PDE4B: variants seen among roughly 807,000 people sequenced by gnomAD.
PDE4B encodes 3',5'-cyclic-AMP phosphodiesterase 4B.
In PDE4B, 20 loss-of-function variants were observed where a neutral mutation model predicts 82.2. The observed-to-expected ratio is 0.24, with a 90% CI of 0.17 to 0.35. The LOEUF is 0.35. PDE4B is among the 10% of genes least tolerant of loss of function. The pLI is 1.00. For missense variants in PDE4B, 655 were observed against 907.2 expected, an observed-to-expected ratio of 0.72 and a Z score of 3.57; for synonymous variants, 320 against 318.9, an observed-to-expected ratio of 1.00 and a Z score of -0.04.
chr1:65,903,928 A>G (rs1646999871), intron 1 of PDE4B, among the ~76,000 whole-genome samples: 1 of 152,200 alleles, frequency 6.6e-6, no homozygotes, highest in Admixed American at 6.5e-5. Context: ...ATATTAGGCC[A>G]TTAATTCATT....
chr1:66,221,000 G>T (rs1318563894), intron 3 of PDE4B, among the ~76,000 whole-genome samples: 1 of 152,080 alleles, frequency 6.6e-6, no homozygotes, highest in Non-Finnish European at 1.5e-5. Context: ...TTTCAGTTAG[G>T]ATTTTTTATT....
chr1:65,881,842 G>A (rs1469614236), intron 1 of PDE4B, among the ~76,000 whole-genome samples: 1 of 152,146 alleles, frequency 6.6e-6, no homozygotes, highest in Non-Finnish European at 1.5e-5. Context: ...AAGTTGGTAT[G>A]GCACAGATAC....
chr1:66,334,674 G>C (rs1421067063), intron 8 of PDE4B, among the ~76,000 whole-genome samples: 4 of 152,224 alleles, frequency 2.6e-5, no homozygotes, highest in Non-Finnish European at 1.5e-5. Context: ...TTTAGTGCAT[G>C]AATGATGCCC....
chr1:66,299,885 C>T (rs757892793), intron 7 of PDE4B, among the ~76,000 whole-genome samples: 13 of 151,998 alleles, frequency 8.6e-5, no homozygotes, highest in Non-Finnish European at 1.5e-4. Context: ...TTATCAAATG[C>T]TTTTTTCTGC....
At chr1:65,946,187 C>T (rs11208777) in intron 3 of PDE4B, among the ~76,000 whole-genome samples, 16,788 of 151,906 alleles carry the variant, frequency 0.11, 1,090 homozygotes, top group Middle Eastern at 0.2. Context: ...AGAAAGCATG[C>T]GGGTTTGTGA....
At chr1:66,017,354 G>C (rs1464944548) in intron 3 of PDE4B, among the ~76,000 whole-genome samples, 1 of 152,088 alleles carries the variant, frequency 6.6e-6, no homozygotes, top group African/African-American at 2.4e-5. Flanking sequence ...CCTATAATTT[G>C]TTCAATATTG....
At chr1:66,272,213 C>T (rs1226908306) in intron 7 of PDE4B, among the ~76,000 whole-genome samples, 1 of 152,216 alleles carries the variant, frequency 6.6e-6, no homozygotes, top group Admixed American at 6.5e-5. Flanking sequence ...TCTGGGCATT[C>T]TTGACAGCTC....
intron 3 of PDE4B, among the ~76,000 whole-genome samples, chr1:66,042,321 T>C (rs1447458021): frequency 4.0e-5 from 6 of 151,862 alleles, no homozygotes; most frequent in Non-Finnish European, 7.4e-5. Context: ...ATTTATAATA[T>C]ATTTCAACAT....
chr1:65,812,967 A>G (rs1158746139), intron 1 of PDE4B, among the ~76,000 whole-genome samples: 1 of 152,188 alleles, frequency 6.6e-6, no homozygotes, highest in Non-Finnish European at 1.5e-5. Flanking sequence ...GAAGATAAGG[A>G]CACTAAAGTT....
intron 3 of PDE4B, among the ~76,000 whole-genome samples, chr1:66,053,132 T>C (rs1002096259): frequency 6.6e-6 from 1 of 152,226 alleles, no homozygotes; most frequent in Non-Finnish European, 1.5e-5. Flanking sequence ...ATTTAAGTAG[T>C]TGAGATCCAT....
intron 3 of PDE4B, among the ~76,000 whole-genome samples, chr1:66,134,780 TTATTA>T (rs1646021841): frequency 6.6e-6 from 1 of 152,246 alleles, no homozygotes; most frequent in Non-Finnish European, 1.5e-5. Flanking sequence ...CCAAAACTGT[TTATTA>T]CATGTGTGCC....
rs149874828 is a variant in PDE4B, at chr1:65,812,942, C to G, written c.-71+19694C>G. On this transcript the variant is annotated intron_variant, in intron 1 of 16. Transcript: ENST00000341517. Reference sequence around the variant, plus strand: ...CCCTGGAAAAGTTGCCCCAGGAATACAAAACCTTAAGAATGAAGATAAGGA... The same window carrying G: ...CCCTGGAAAAGTTGCCCCAGGAATAGAAAACCTTAAGAATGAAGATAAGGA... Among the ~76,000 whole-genome samples the G allele has an allele frequency of 7.3e-3, 1,116 of 152,204 alleles. 12 individuals are homozygous for G. The highest frequency in any genetic ancestry group is 0.026 in the African/African-American group (1,070 of 41,520).
chr1:65,990,864 C>CT (rs1651204746), intron 3 of PDE4B, among the ~76,000 whole-genome samples: 1 of 152,072 alleles, frequency 6.6e-6, no homozygotes, highest in Non-Finnish European at 1.5e-5. Flanking sequence ...TATAACTGTG[C>CT]TTTTGTTCAT....
At chr1:66,258,794 C>T (rs1010793433) in intron 6 of PDE4B, among the ~76,000 whole-genome samples, 5 of 152,220 alleles carry the variant, frequency 3.3e-5, no homozygotes, top group African/African-American at 1.2e-4. Flanking sequence ...TTTGCTTTCA[C>T]ACACATTTTC....
At chr1:66,092,739 G>A (rs2100996988) in intron 3 of PDE4B, among the ~76,000 whole-genome samples, 1 of 152,008 alleles carries the variant, frequency 6.6e-6, no homozygotes, top group East Asian at 1.9e-4. Flanking sequence ...GAGAGATGAA[G>A]GCCTAGGTAA....
chr1:66,080,995 C>T (rs1003002639), intron 3 of PDE4B, among the ~76,000 whole-genome samples: 1 of 152,208 alleles, frequency 6.6e-6, no homozygotes, highest in South Asian at 2.1e-4. Context: ...TAAGTGAGAA[C>T]ATGTTGTATA....
chr1:66,266,646 T>A (rs760585133), intron 7 of PDE4B: 10 of 503,318 alleles, frequency 2.0e-5, no homozygotes. Flanking sequence ...TTTTGTTTTT[T>A]AAGAACCTAA....
intron 3 of PDE4B, among the ~76,000 whole-genome samples, chr1:66,164,429 G>A (rs536915126): frequency 1.9e-4 from 29 of 150,886 alleles, no homozygotes; most frequent in African/African-American, 4.1e-4. Flanking sequence ...TCAGCTACTC[G>A]GGAGGCTGAG....
At chr1:66,359,234 AGT>A (rs112308133) in intron 9 of PDE4B, among the ~76,000 whole-genome samples, 2 of 152,358 alleles carry the variant, frequency 1.3e-5, no homozygotes, top group African/African-American at 4.8e-5. Flanking sequence ...ATAATTGAAA[AGT>A]GTGATCTAGC....
Sources: allele counts gnomAD v4.1 joint callset (sites outside exome capture counted in the v4.1 genomes callset), GRCh38; gene constraint gnomAD v4.1.1; transcripts MANE v1.5; gene names NCBI Gene and HGNC (gene_info 2026-07-23, HGNC 2026-07-21).